Variants in SPDEF observed in about 807,000 individuals in gnomAD.
The protein encoded by SPDEF is SAM pointed domain-containing Ets transcription factor.
A neutral mutation model predicts 36.0 loss-of-function variants in SPDEF; 12 were observed. The observed-to-expected ratio is 0.33, with a 90% confidence interval of 0.21 to 0.54. The LOEUF is 0.54. Ranked by LOEUF, SPDEF falls within the 20% of genes least tolerant of loss-of-function variation. The pLI is 0.93. For synonymous variants in SPDEF, 205 were observed against 193.0 expected (o/e 1.06, Z -0.51); for missense variants, 388 against 456.9 (o/e 0.85, Z 1.37).
At position 34,547,317 on chromosome 6, in the gene SPDEF, G is replaced by T. The variant is rs111259776; in HGVS notation, c.-29-2833C>A. On this transcript the variant is annotated intron_variant, in intron 1 of 5. Transcript: ENST00000374037. ...ATAATGACACATCCTTGACACATTT[G>T]CTGAGTGCATGTGAAGCCCTCACAT... Among the ~76,000 whole-genome samples, 24 of 152,078 alleles carry T rather than the reference G, an allele frequency of 1.6e-4. 1 individual carries two copies. The highest frequency in any genetic ancestry group is 2.9e-4 in the Non-Finnish European group (20 of 68,022).
At position 34,541,190 on chromosome 6, in the gene SPDEF, G is replaced by C. The variant is rs1354771856; in HGVS notation, c.437-9C>G. On this transcript the variant is annotated splice_polypyrimidine_tract_variant and intron_variant, in intron 2 of 5. Coordinates refer to ENST00000374037, the MANE Select transcript of SPDEF (RefSeq NM_012391.3). The stretch of plus-strand genomic sequence containing the variant: ...GCTCCAGTCCATGGGATCTGGGCAA[G>C]AGGCATCCCCTCAGCTCAGGGGTGG... The C allele has an allele frequency of 4.4e-6, 7 of 1,591,242 alleles. No individual in the cohort carries two copies. In the South Asian group the frequency reaches 8.0e-5, roughly 18 times the overall value.
Position 34,541,131 on chromosome 6 carries a change from C to T in SPDEF, c.487G>A (p.Glu163Lys). 1 of 1,609,690 alleles carries T rather than the reference C, an allele frequency of 6.2e-7. No homozygotes were observed. The highest frequency in any genetic ancestry group is 8.5e-7 in the Non-Finnish European group (1 of 1,178,332). ...SNVQKWLLWT[E>K]HQYRLPPMGK... is the part of the protein sequence containing the mutation. Reference sequence around the variant, plus strand: ...ATGGGGGGCAGCCGGTATTGGTGCTCTGTCCACAGGAGCCACTTCTGCACA... The same window carrying T: ...ATGGGGGGCAGCCGGTATTGGTGCTTTGTCCACAGGAGCCACTTCTGCACA... Residue 163 changes from glutamate to lysine, a missense_variant, in exon 3 of 6, where the codon GAG (glutamate) becomes AAG (lysine). Physicochemically the swap from Glu to Lys is moderately conservative, Grantham distance 56 (BLOSUM62 1). Transcript: ENST00000374037.
At chr6:34,548,900 A>G (rs1007222531) in intron 1 of SPDEF, among the ~76,000 whole-genome samples, 4 of 152,196 alleles carry the variant, frequency 2.6e-5, no homozygotes, top group African/African-American at 9.7e-5. Flanking sequence ...ACACATGTGC[A>G]CTGGAAAAGC....
rs767887000 is a variant in SPDEF at position 34,538,283 on chromosome 6, G to C, written c.999C>G (p.His333Gln). The change falls in exon 6 of 6, where the codon CAC becomes CAG. Residue 333 changes from histidine (H) to glutamine (Q), a missense_variant. Physicochemically the swap from His to Gln is conservative, Grantham distance 24 (BLOSUM62 0). Coordinates refer to ENST00000374037, the MANE Select transcript of SPDEF (RefSeq NM_012391.3). The surrounding 1 kb of genome is among the most constrained non-coding windows in gnomAD (Gnocchi z 5.9). ...ISQRLVYQFV[H>Q]PI ...GCCCTGGGCCAGGCACTCAGATGGG[G>C]TGCACGAACTGGTAGACGAGGCGCT... 2 of 1,613,698 alleles carry C rather than the reference G, an allele frequency of 1.2e-6. No homozygotes were observed. The highest frequency in any genetic ancestry group is 3.3e-5 in the Admixed American group (2 of 60,010).
intron 1 of SPDEF, among the ~76,000 whole-genome samples, chr6:34,547,346 T>C (rs889095243): frequency 1.3e-5 from 2 of 152,034 alleles, no homozygotes; most frequent in African/African-American, 4.8e-5. Flanking sequence ...CTCACATCCA[T>C]CCCCTTGCCA....
chr6:34,541,287 A>C, intron 2 of SPDEF, 106 bp from the exon 3 acceptor site: 2 of 1,175,808 alleles, frequency 1.7e-6, no homozygotes, highest in Non-Finnish European at 2.4e-6. Context: ...GCTCTTGGGG[A>C]TGGGGATAGG....
intron 2 of SPDEF, among the ~76,000 whole-genome samples, chr6:34,543,294 C>T (rs1322123820): frequency 6.6e-6 from 1 of 150,490 alleles, no homozygotes; most frequent in Non-Finnish European, 1.5e-5. Context: ...ATTCAAGGTG[C>T]TATCCTAGCA....
rs1202388498 is a variant in SPDEF at position 34,544,611 on chromosome 6, G to A, written c.-29-127C>T. 9 of 695,014 alleles carry A rather than the reference G, an allele frequency of 1.3e-5. No homozygotes were observed. Among genetic ancestry groups the A allele is most frequent in the East Asian group, 1.2e-4 (4 of 32,580 alleles). The allele number at this position is 695,014 out of a possible 1,614,324, so 43.1% of individuals were successfully genotyped here. On this transcript the variant is annotated intron_variant, in intron 1 of 5. Coordinates refer to ENST00000374037, the MANE Select transcript of SPDEF (RefSeq NM_012391.3). The surrounding 1 kb of genome is among the most constrained non-coding windows in gnomAD (Gnocchi z 4.4). ...GCCTGGGACAGAGTTGGGGGCTTCC[G>A]GGTCATTGGGCAGCCACGACATGGT...
rs984523030 is a variant in SPDEF, at chr6:34,538,116, C to T, written c.*158G>A. 1.2e-4 allele frequency: 89 copies of T among 725,280 alleles called. No individual in the cohort carries two copies. Among genetic ancestry groups the T allele is most frequent in the Non-Finnish European group, 1.8e-4 (83 of 452,776 alleles). 44.9% of individuals were successfully genotyped at this position (725,280 alleles called of 1,614,324 possible). On this transcript the variant is annotated 3_prime_UTR_variant, in exon 6 of 6. Transcript: ENST00000374037. This position sits in a 1 kb window ranked among gnomAD's most constrained non-coding sequence, Gnocchi z 5.9. The stretch of plus-strand genomic sequence containing the variant: ...CCCGAAGGCCCCAGAGGACCCATAT[C>T]CCCCTGGGGCAGTTGGTTGCCCCTC...
At chr6:34,543,738 G>A (rs985064346) in intron 2 of SPDEF, among the ~76,000 whole-genome samples, 2 of 152,174 alleles carry the variant, frequency 1.3e-5, no homozygotes, top group African/African-American at 4.8e-5. Context: ...AGGGGAGAGC[G>A]AAGTCCAAGA....
At chr6:34,542,922 G>A (rs1314610378) in intron 2 of SPDEF, among the ~76,000 whole-genome samples, 3 of 149,516 alleles carry the variant, frequency 2.0e-5, no homozygotes, top group Non-Finnish European at 3.0e-5. Flanking sequence ...GGCTGGGCGC[G>A]GTGGCTCACG....
At chr6:34,543,647 C>A (rs554841843) in intron 2 of SPDEF, among the ~76,000 whole-genome samples, 1 of 152,120 alleles carries the variant, frequency 6.6e-6, no homozygotes. Flanking sequence ...GGGGGAAGAG[C>A]GCTCTAGGCT....
chr6:34,544,003 A>C lies in SPDEF; in HGVS notation c.436+17T>G, dbSNP rs1292079631. The C allele has an allele frequency of 6.3e-7, 1 of 1,599,590 alleles. No homozygotes were observed. The stretch of plus-strand genomic sequence containing the variant: ...TGTGACCCATCTTACGGAAGCAGGC[A>C]CATGGAGAGGGCTCACCTGCGGTGA... On this transcript the variant is annotated intron_variant, in intron 2 of 5. Transcript: ENST00000374037. The surrounding 1 kb of genome is among the most constrained non-coding windows in gnomAD (Gnocchi z 4.4).
In SPDEF at chr6:34,539,483, CCCCGCCTCCA is replaced by C. The variant is rs1767769969; in HGVS notation, c.682+22_682+31del. On this transcript the variant is annotated intron_variant, in intron 4 of 5. Coordinates refer to ENST00000374037, the MANE Select transcript of SPDEF (RefSeq NM_012391.3). This position sits in a 1 kb window ranked among gnomAD's most constrained non-coding sequence, Gnocchi z 5.2. ...AGCCACCCCTCCACCCCACCCGAGC[CCCCGCCTCCA>C]CCCTGCCGCTGCCTGGCTCACCACA... 6.3e-7 allele frequency: 1 copy of C among 1,585,116 alleles called. No homozygotes were observed. Among genetic ancestry groups the C allele is most frequent in the African/African-American group, 1.3e-5 (1 of 74,308 alleles).
chr6:34,543,451 G>C (rs1457446014), intron 2 of SPDEF, among the ~76,000 whole-genome samples: 6 of 152,158 alleles, frequency 3.9e-5, no homozygotes, highest in Non-Finnish European at 7.3e-5. Flanking sequence ...GGAAGCAGGT[G>C]AGAACAGCAG....
In SPDEF at chr6:34,555,125, C is replaced by T. The variant is rs1768139608; in HGVS notation, c.-30+804G>A. ...CACCACACACACACATACTTCCGCG[C>T]ACACACACGCACGCACACACCTCCA... On this transcript the variant is annotated intron_variant, in intron 1 of 5. Coordinates refer to ENST00000374037, the MANE Select transcript of SPDEF (RefSeq NM_012391.3). The surrounding 1 kb of genome is among the most constrained non-coding windows in gnomAD (Gnocchi z 5.2). Among the ~76,000 whole-genome samples, 1 of 142,922 alleles carries T rather than the reference C, an allele frequency of 7.0e-6. No homozygotes were observed. Among genetic ancestry groups the T allele is most frequent in the African/African-American group, 2.4e-5 (1 of 40,844 alleles). 93.8% of individuals were successfully genotyped at this position (142,922 alleles called of 152,430 possible).
In SPDEF at chr6:34,556,318, C is replaced by G. The variant is rs139219168; in HGVS notation, c.-419G>C. On this transcript the variant is annotated 5_prime_UTR_variant, in exon 1 of 6. Transcript: ENST00000374037. ...ATGTGCTGGGAGGAAGTCAGACAGCCGCGAGATGAAGAGTTGGCCAGGGCC... is the reference window on the plus strand; with the variant it reads ...ATGTGCTGGGAGGAAGTCAGACAGCGGCGAGATGAAGAGTTGGCCAGGGCC... 1 of 152,424 alleles carries G rather than the reference C, an allele frequency of 6.6e-6. No homozygotes were observed. Among genetic ancestry groups the G allele is most frequent in the African/African-American group, 2.4e-5 (1 of 41,430 alleles). The allele number at this position is 152,424 out of a possible 1,614,324, so 9.4% of individuals were successfully genotyped here. A position where few individuals can be genotyped will look rare whatever the true frequency, so the allele number is the denominator to read the frequency against.
Position 34,538,423 on chromosome 6 carries a change from C to G in SPDEF, c.859G>C (p.Val287Leu), listed in dbSNP as rs1161446446. 1.9e-6 allele frequency: 3 copies of G among 1,613,734 alleles called. No individual in the cohort carries two copies. In the African/African-American group the frequency reaches 4.0e-5, roughly 22 times the overall value. The stretch of plus-strand genomic sequence containing the variant: ...TTGCGGATGCCCCACAGCCGGGCCA[C>G]CTGGGCTGAGTCCTCAATTTTGAAG... ...GIFKIEDSAQ[V>L]ARLWGIRKNR... The change falls in exon 6 of 6, where the codon GTG becomes CTG. Residue 287 changes from valine to leucine, a missense_variant. Physicochemically the swap from Val to Leu is conservative, Grantham distance 32 (BLOSUM62 1). Coordinates refer to ENST00000374037, the MANE Select transcript of SPDEF (RefSeq NM_012391.3). This position sits in a 1 kb window ranked among gnomAD's most constrained non-coding sequence, Gnocchi z 5.9.
At chr6:34,543,705 G>T (rs1767877029) in intron 2 of SPDEF, among the ~76,000 whole-genome samples, 1 of 152,204 alleles carries the variant, frequency 6.6e-6, no homozygotes, top group Non-Finnish European at 1.5e-5. Flanking sequence ...AAACAGGCCA[G>T]TGTGGCGGGA....
Sources: gnomAD v4.1 joint callset for allele counts (sites outside exome capture counted in the v4.1 genomes callset) on GRCh38, gnomAD v4.1.1 for gene constraint, Gnocchi (gnomAD v3.1) non-coding constraint, MANE v1.5 for transcripts, NCBI Gene and HGNC (gene_info 2026-07-23, HGNC 2026-07-21) for gene names.